Variants in CTNNA3 observed in about 807,000 individuals in gnomAD.
CTNNA3 encodes the protein catenin alpha-3.
CTNNA3 carries 76 observed loss-of-function variants against 95.7 expected under a neutral mutation model. That is an observed-to-expected ratio of 0.79 (90% CI 0.66 to 0.96). CTNNA3 has a LOEUF of 0.96. CTNNA3 is among the 40% of genes least tolerant of loss of function. The pLI is 0.00. For synonymous variants in CTNNA3, 431 were observed against 374.4 expected (o/e 1.15, Z -1.74); for missense variants, 1,191 against 1,089.8 (o/e 1.09, Z -1.31).
chr10:66,459,559 A>G (rs1457664676), intron 11 of CTNNA3, among the ~76,000 whole-genome samples: 1 of 152,222 alleles, frequency 6.6e-6, no homozygotes, highest in African/African-American at 2.4e-5. Flanking sequence ...TAAAAACAAA[A>G]TAACAGCCAT....
chr10:66,912,204 C>G (rs1846253065), intron 7 of CTNNA3, among the ~76,000 whole-genome samples: 1 of 152,076 alleles, frequency 6.6e-6, no homozygotes, highest in South Asian at 2.1e-4. Flanking sequence ...GTTGTAAACA[C>G]ACACTCACCC....
intron 5 of CTNNA3, among the ~76,000 whole-genome samples, chr10:67,370,136 G>A (rs935175110): frequency 2.0e-5 from 3 of 152,034 alleles, no homozygotes; most frequent in Non-Finnish European, 4.4e-5. Context: ...ATCAATAAAG[G>A]ACTGGTCAAA....
intron 4 of CTNNA3, among the ~76,000 whole-genome samples, chr10:67,529,165 G>A (rs1840240785): frequency 6.6e-6 from 1 of 151,810 alleles, no homozygotes. Context: ...CAAAATAGGG[G>A]GATATAGAAG....
At chr10:66,510,654 G>A (rs1402383369) in intron 11 of CTNNA3, among the ~76,000 whole-genome samples, 1 of 151,586 alleles carries the variant, frequency 6.6e-6, no homozygotes, top group African/African-American at 2.4e-5. Flanking sequence ...GAGATAATAT[G>A]TTTTTAAAAT....
intron 11 of CTNNA3, among the ~76,000 whole-genome samples, chr10:66,425,509 T>A (rs2132647131): frequency 6.6e-6 from 1 of 152,124 alleles, no homozygotes; most frequent in African/African-American, 2.4e-5. Flanking sequence ...TGACAGAGAT[T>A]AAATTTTAGT....
At chr10:66,859,006 T>C (rs1243913344) in intron 7 of CTNNA3, among the ~76,000 whole-genome samples, 1 of 152,066 alleles carries the variant, frequency 6.6e-6, no homozygotes, top group Non-Finnish European at 1.5e-5. Context: ...AAAAGTTATT[T>C]CATGTTTCAA....
chr10:66,544,292 A>G lies in CTNNA3; in HGVS notation c.1375-23519T>C, dbSNP rs564599347. On this transcript the variant is annotated intron_variant, in intron 10 of 17. Coordinates refer to ENST00000433211, the MANE Select transcript of CTNNA3 (RefSeq NM_013266.4). ...AACCTATAAAATCCCTTCTCTTCCA[A>G]TATAGGCAAGATGTCTTAACTGAAG... 1.2e-3 allele frequency among the ~76,000 whole-genome samples: 190 copies of G among 152,140 alleles called. 1 individual carries two copies. Among genetic ancestry groups the G allele is most frequent in the African/African-American group, 4.3e-3 (179 of 41,538 alleles).
intron 1 of CTNNA3, among the ~76,000 whole-genome samples, chr10:67,736,688 C>G (rs895457211): frequency 6.6e-6 from 1 of 152,086 alleles, no homozygotes. Context: ...ATCTCCTGAC[C>G]TCGTGTTCCA....
intron 8 of CTNNA3, among the ~76,000 whole-genome samples, chr10:66,769,853 C>G (rs1840016646): frequency 6.6e-6 from 1 of 152,104 alleles, no homozygotes; most frequent in African/African-American, 2.4e-5. Flanking sequence ...ATCATTTCCT[C>G]TTTCCCTGCC....
intron 5 of CTNNA3, among the ~76,000 whole-genome samples, chr10:67,514,720 G>GTTTTTTTTTT (rs529419460): frequency 7.8e-6 from 1 of 127,770 alleles, no homozygotes. Context: ...TGTTTTTGTT[G>GTTTTTTTTTT]TTTTTTTTTT....
intron 5 of CTNNA3, among the ~76,000 whole-genome samples, chr10:67,319,531 A>G (rs1175766294): frequency 6.6e-6 from 1 of 152,160 alleles, no homozygotes; most frequent in East Asian, 1.9e-4. Flanking sequence ...GCTCCCTAAA[A>G]AAAGTGCTAA....
chr10:66,095,829 A>G (rs1195959356), intron 14 of CTNNA3, among the ~76,000 whole-genome samples: 1 of 152,058 alleles, frequency 6.6e-6, no homozygotes, highest in Non-Finnish European at 1.5e-5. Flanking sequence ...GTCCTAAATT[A>G]CTTCTATTTA....
intron 6 of CTNNA3, among the ~76,000 whole-genome samples, chr10:67,196,896 G>T (rs1863396490): frequency 6.6e-6 from 1 of 151,904 alleles, no homozygotes; most frequent in Non-Finnish European, 1.5e-5. Context: ...GTGATTATCT[G>T]TTTGGAAATA....
chr10:67,566,066 T>TATATATATATATATATAC (rs1243086762), intron 3 of CTNNA3, among the ~76,000 whole-genome samples: 1 of 98,932 alleles, frequency 1.0e-5, no homozygotes, highest in Non-Finnish European at 2.0e-5. Context: ...TATATATATA[T>TATATATATATATATATAC]ATATATACAA....
At chr10:67,761,675 G>A (rs1339332793) in intron 1 of CTNNA3, among the ~76,000 whole-genome samples, 2 of 152,058 alleles carry the variant, frequency 1.3e-5, no homozygotes, top group Non-Finnish European at 2.9e-5. Flanking sequence ...TCAGGAGATC[G>A]AGACCATCCT....
chr10:65,949,970 C>G (rs2077582229), intron 17 of CTNNA3, among the ~76,000 whole-genome samples: 1 of 151,848 alleles, frequency 6.6e-6, no homozygotes, highest in Non-Finnish European at 1.5e-5. Flanking sequence ...AGGAAGCCCC[C>G]CACAACAAAG....
At chr10:66,276,213 T>C (rs1228741435) in intron 13 of CTNNA3, among the ~76,000 whole-genome samples, 1 of 152,118 alleles carries the variant, frequency 6.6e-6, no homozygotes, top group African/African-American at 2.4e-5. Flanking sequence ...GACCTGAAAA[T>C]CTACACACTT....
chr10:66,496,692 G>A (rs758398007), intron 11 of CTNNA3, among the ~76,000 whole-genome samples: 2 of 152,158 alleles, frequency 1.3e-5, no homozygotes, highest in South Asian at 2.1e-4. Context: ...ACTTTTAGTT[G>A]ACAGTGAACA....
chr10:67,360,433 A>G (rs545476691), intron 5 of CTNNA3, among the ~76,000 whole-genome samples: 1 of 151,860 alleles, frequency 6.6e-6, no homozygotes, highest in Non-Finnish European at 1.5e-5. Context: ...AAAAAAAAAA[A>G]ACAAGAACCA....
Sources: allele counts gnomAD v4.1 joint callset (sites outside exome capture counted in the v4.1 genomes callset), GRCh38; gene constraint gnomAD v4.1.1; transcripts MANE v1.5; gene names NCBI Gene and HGNC (gene_info 2026-07-23, HGNC 2026-07-21).